COL27A1: variants seen among roughly 807,000 people sequenced by gnomAD.
COL27A1 encodes collagen type XXVII alpha 1 chain.
COL27A1 carries 106 observed loss-of-function variants against 251.3 expected under a neutral mutation model. The observed-to-expected ratio is 0.42, with a 90% CI of 0.36 to 0.50. The LOEUF (loss-of-function observed/expected upper bound fraction) is 0.50, where lower values mean the gene tolerates loss of function less well. COL27A1 is among the 20% of genes least tolerant of loss of function. The pLI is 0.00. For missense variants in COL27A1, 2,325 were observed against 2,522.8 expected (o/e 0.92, Z 1.68); for synonymous variants, 1,000 against 986.3 (o/e 1.01, Z -0.26).
rs146615632 is a variant in COL27A1 at position 114,165,827 on chromosome 9, T to TATCCATCCATCC, written c.134-1834_134-1823dup. 6.3e-4 allele frequency among the ~76,000 whole-genome samples: 85 copies of TATCCATCCATCC among 135,858 alleles called. 2 individuals are homozygous for TATCCATCCATCC. Among genetic ancestry groups the TATCCATCCATCC allele is most frequent in the East Asian group, 2.4e-3 (10 of 4,084 alleles). 89.1% of individuals were successfully genotyped at this position (135,858 alleles called of 152,430 possible). A position where few individuals can be genotyped will look rare whatever the true frequency, so the allele number is the denominator to read the frequency against. On this transcript the variant is annotated intron_variant, in intron 2 of 60. Transcript: ENST00000356083. Reference sequence around the variant, plus strand: ...TCCATCCAGCCAGCCAGGCATTATTTATCCATCCATCCATCCATCCATCCA... The same window carrying TATCCATCCATCC: ...TCCATCCAGCCAGCCAGGCATTATTTATCCATCCATCCATCCATCCATCCATCCATCCATCCA...
chr9:114,250,255 G>A (rs1033288003), intron 24 of COL27A1, among the ~76,000 whole-genome samples: 7 of 152,212 alleles, frequency 4.6e-5, no homozygotes, highest in Middle Eastern at 3.2e-3. Context: ...CCAGAGCCCC[G>A]AAAGATGGGC....
rs374574395 is a variant in COL27A1, at chr9:114,300,696, C to T, written c.4701+9C>T. On this transcript the variant is annotated intron_variant, in intron 51 of 60. Transcript: ENST00000356083. ...GGCCACCTGGCTTGATGGTGAGTTC[C>T]CTCCCTGCTGTCGGAGCAGAGATGA... 2.9e-5 allele frequency: 43 copies of T among 1,498,228 alleles called. No individual in the cohort carries two copies. Among genetic ancestry groups the T allele is most frequent in the Admixed American group, 1.7e-4 (7 of 41,412 alleles). 92.8% of individuals were successfully genotyped at this position (1,498,228 alleles called of 1,614,324 possible).
chr9:114,206,111 A>G, intron 9 of COL27A1, 141 bp from the exon 10 acceptor site: 2 of 820,504 alleles, frequency 2.4e-6, no homozygotes, highest in Non-Finnish European at 4.1e-6. Flanking sequence ...TGTGGGGGTC[A>G]GGCCAAAGAT....
At chr9:114,240,390 G>A (rs1832676749) in intron 20 of COL27A1, 44 bp from the exon 21 acceptor site, 1 of 1,607,060 alleles carries the variant, frequency 6.2e-7, no homozygotes, top group African/African-American at 1.3e-5. Flanking sequence ...GATGGAGATG[G>A]AGGTACCGCC....
chr9:114,186,494 G>A (rs528628504), intron 5 of COL27A1, among the ~76,000 whole-genome samples: 1 of 152,158 alleles, frequency 6.6e-6, no homozygotes, highest in Non-Finnish European at 1.5e-5. Context: ...TAGGTCTCTA[G>A]GGCTCCATGT....
chr9:114,271,599 T>A, intron 36 of COL27A1: 1 of 152,540 alleles, frequency 6.6e-6, no homozygotes, highest in Non-Finnish European at 1.5e-5. Context: ...TTAGCTCACC[T>A]GAATTGCAGG....
intron 16 of COL27A1, among the ~76,000 whole-genome samples, chr9:114,234,212 T>TAAAAAAAAAAA (rs11415885): frequency 1.1e-5 from 1 of 89,368 alleles, no homozygotes; most frequent in Non-Finnish European, 2.1e-5. Context: ...TCTTGGACAT[T>TAAAAAAAAAAA]AAAAAAAAAA....
chr9:114,216,499 G>C (rs796730619), intron 12 of COL27A1, among the ~76,000 whole-genome samples: 44 of 152,346 alleles, frequency 2.9e-4, no homozygotes, highest in African/African-American at 1.1e-3. Context: ...GTGACTGCTG[G>C]AAATGGCTCT....
chr9:114,169,614 G>T, intron 3 of COL27A1, 151 bp downstream of exon 3: 1 of 553,020 alleles, frequency 1.8e-6, no homozygotes, highest in Non-Finnish European at 3.0e-6. Context: ...CCAGGCCCCC[G>T]GCTCCTCTGG....
chr9:114,300,639 C>T lies in COL27A1; in HGVS notation c.4653C>T (p.Asp1551=). The T allele has an allele frequency of 6.5e-7, 1 of 1,531,440 alleles. No individual in the cohort carries two copies. The highest frequency in any genetic ancestry group is 2.4e-5 in the East Asian group (1 of 41,648). 94.9% of individuals were successfully genotyped at this position (1,531,440 alleles called of 1,614,324 possible). A position where few individuals can be genotyped will look rare whatever the true frequency, so the allele number is the denominator to read the frequency against. Reference sequence around the variant, plus strand: ...GCCTCCCACAGGGCCCGCCTGGAGACATTGGCTTCAAAGGCATCCAGGGCC... The same window carrying T: ...GCCTCCCACAGGGCCCGCCTGGAGATATTGGCTTCAAAGGCATCCAGGGCC... ...GLFGPKGPPG[D]IGFKGIQGPR... The change falls in exon 51 of 61, where the codon GAC becomes GAT. Residue 1551 remains aspartate, a synonymous_variant. Coordinates refer to ENST00000356083, the MANE Select transcript of COL27A1 (RefSeq NM_032888.4).
At chr9:114,182,446 A>C (rs1441208392) in intron 4 of COL27A1, among the ~76,000 whole-genome samples, 2 of 151,658 alleles carry the variant, frequency 1.3e-5, no homozygotes, top group African/African-American at 2.4e-5. Context: ...ACTTTGAGCC[A>C]GGCCTGAAGG....
chr9:114,168,850 T>A lies in COL27A1; in HGVS notation c.1295T>A (p.Met432Lys), dbSNP rs1849093479. 3 of 1,613,900 alleles carry A rather than the reference T, an allele frequency of 1.9e-6. No homozygotes were observed. Among genetic ancestry groups the A allele is most frequent in the African/African-American group, 2.7e-5 (2 of 74,978 alleles). The change falls in exon 3 of 61, where the codon ATG becomes AAG. Residue 432 changes from methionine to lysine, a missense_variant. This residue lies in a region of COL27A1 where 1,183 missense variants were observed against 1,144.1 expected (regional missense o/e 1.03). Transcript: ENST00000356083. ...AEKPIQRNPGMPRPPPPSTRP... is the reference protein window; with the variant it reads ...AEKPIQRNPGKPRPPPPSTRP... ...AAGCCCATCCAGAGGAACCCGGGAA[T>A]GCCCAGGCCCCCACCGCCCAGCACC...
intron 7 of COL27A1, among the ~76,000 whole-genome samples, chr9:114,199,291 A>G (rs1212435688): frequency 6.6e-6 from 1 of 152,166 alleles, no homozygotes; most frequent in Non-Finnish European, 1.5e-5. Flanking sequence ...AGTAGAAGCC[A>G]GAAATACTGC....
rs1158650355 is a variant in COL27A1 at position 114,173,112 on chromosome 9, G to C, written c.1908+3649G>C. On this transcript the variant is annotated intron_variant, in intron 3 of 60. Transcript: ENST00000356083. ...GGAAGCTCTGTGGGAGCCCCAGGAG[G>C]GGGGAACATGGAAAAATTGAGCTTG... Among the ~76,000 whole-genome samples, 8 of 152,028 alleles carry C rather than the reference G, an allele frequency of 5.3e-5. 1 individual carries two copies. The highest frequency in any genetic ancestry group is 3.9e-4 in the Admixed American group (6 of 15,252).
Position 114,302,090 on chromosome 9 carries a change from A to C in COL27A1, c.4854A>C (p.Pro1618=). The C allele has an allele frequency of 6.2e-7, 1 of 1,612,440 alleles. No homozygotes were observed. Among genetic ancestry groups the C allele is most frequent in the Non-Finnish European group, 8.5e-7 (1 of 1,178,498 alleles). Residue 1618 remains proline, a synonymous_variant, in exon 56 of 61, where the codon CCA becomes CCC. Coordinates refer to ENST00000356083, the MANE Select transcript of COL27A1 (RefSeq NM_032888.4). ...GCAGTCTTCTTTTGCAGGGTCCTCC[A>C]GGGGGTCCTATCCAATTGGTAAGTT... ...PRGRPGPPGP[P]GGPIQLQQDD...
In COL27A1 at chr9:114,282,894, C is replaced by A. The variant is rs556069577; in HGVS notation, c.3879+330C>A. ...GGGAGAAAGGACCAGATTCTTAGAA[C>A]TGTTTTTATCAAACAAGGAGATTTC... is the stretch of plus-strand genomic sequence containing the variant. On this transcript the variant is annotated intron_variant, in intron 39 of 60. Transcript: ENST00000356083. 4.6e-5 allele frequency among the ~76,000 whole-genome samples: 7 copies of A among 152,342 alleles called. 1 individual carries two copies. In the South Asian group the frequency reaches 1.5e-3, roughly 32 times the overall value.
intron 27 of COL27A1, among the ~76,000 whole-genome samples, chr9:114,253,385 G>T (rs1330380947): frequency 5.5e-5 from 4 of 72,682 alleles, no homozygotes; most frequent in Non-Finnish European, 9.3e-5. Context: ...AAGAAAGAAA[G>T]AAAAAAGAAA....
At chr9:114,264,501 T>G in intron 29 of COL27A1, 93 bp downstream of exon 29, 1 of 1,033,322 alleles carries the variant, frequency 9.7e-7, no homozygotes. Flanking sequence ...CAATGCCCCT[T>G]AGGGACAACA....
At position 114,253,385 on chromosome 9, in the gene COL27A1, GAA is replaced by G. The variant is rs796808311; in HGVS notation, c.3141+458_3141+459del. 8.3e-3 allele frequency among the ~76,000 whole-genome samples: 602 copies of G among 72,696 alleles called. 3 individuals are homozygous for G. The highest frequency in any genetic ancestry group is 0.035 in the African/African-American group (532 of 15,052). 47.7% of individuals were successfully genotyped at this position (72,696 alleles called of 152,430 possible). Reference sequence around the variant, plus strand: ...AAGAAAGAAAGACGAAAGAAAGAAAGAAAAAAGAAAGAGGAAAAAAGACAGAA... The same window carrying G: ...AAGAAAGAAAGACGAAAGAAAGAAAGAAAAGAAAGAGGAAAAAAGACAGAA... On this transcript the variant is annotated intron_variant, in intron 27 of 60. Transcript: ENST00000356083.
Sources: allele counts gnomAD v4.1 joint callset (sites outside exome capture counted in the v4.1 genomes callset), GRCh38; gene constraint gnomAD v4.1.1; regional missense constraint gnomAD v4.1.1; transcripts MANE v1.5; gene names NCBI Gene and HGNC (gene_info 2026-07-23, HGNC 2026-07-21).